Variants in ABCC10 observed in about 807,000 individuals in gnomAD.
ABCC10 encodes the protein ATP binding cassette subfamily C member 10, also known as ATP-binding cassette sub-family C member 10.
In ABCC10, 110 loss-of-function variants were observed where a neutral mutation model predicts 143.2. That is an observed-to-expected ratio of 0.77 (90% CI 0.66 to 0.90). ABCC10 has a LOEUF of 0.90. Ranked by LOEUF, ABCC10 falls within the 40% of genes least tolerant of loss-of-function variation. The pLI is 0.00. For missense variants in ABCC10, 1,700 were observed against 1,900.5 expected (o/e 0.89, Z 1.96); for synonymous variants, 805 against 846.7 (o/e 0.95, Z 0.85).
chr6:43,441,929 C>A lies in ABCC10; in HGVS notation c.2195C>A (p.Ala732Asp). The change falls in exon 9 of 22, where the codon GCC becomes GAC. Residue 732 changes from alanine (A) to aspartate (D), a missense_variant. Physicochemically the swap from Ala to Asp is moderately radical, Grantham distance 126. Transcript: ENST00000372530. ...GTCACCCTTAGCGGAGGACAGCGTG[C>A]CCGGATTGCCCTTGCTCGTGCTGTC... The part of the protein sequence containing the change: ...KGVTLSGGQR[A>D]RIALARAVYQ... 1 of 1,613,866 alleles carries A rather than the reference C, an allele frequency of 6.2e-7. No individual in the cohort carries two copies. The highest frequency in any genetic ancestry group is 1.1e-5 in the South Asian group (1 of 91,068).
At chr6:43,450,882 A>T, downstream of ABCC10, 2 of 1,614,158 alleles carry the variant, frequency 1.2e-6, no homozygotes, top group Non-Finnish European at 1.7e-6. The surrounding 1 kb of genome is among the most constrained non-coding windows in gnomAD (Gnocchi z 4.5). Context: ...AGGTACCACT[A>T]CAGCTGAGGT....
intron 4 of ABCC10, 106 bp downstream of exon 4, chr6:43,434,954 C>T: frequency 8.4e-7 from 1 of 1,195,420 alleles, no homozygotes; most frequent in Non-Finnish European, 1.2e-6. Flanking sequence ...GGATCCCTGA[C>T]TGCCTCATCT....
intron 2 of ABCC10, among the ~76,000 whole-genome samples, chr6:43,429,372 TTGTGTG>T (rs1201780354): frequency 2.5e-4 from 25 of 98,240 alleles, no homozygotes; most frequent in African/African-American, 3.1e-4. Flanking sequence ...CTTTTCTTTC[TTGTGTG>T]TGTGTGTGTG....
At chr6:43,451,053 A>C (rs768003360), downstream of ABCC10, 1 of 1,614,222 alleles carries the variant, frequency 6.2e-7, no homozygotes, top group Non-Finnish European at 8.5e-7. The surrounding 1 kb of genome is among the most constrained non-coding windows in gnomAD (Gnocchi z 4.4). Flanking sequence ...ACAGTCATCC[A>C]GGTTGATGGT....
chr6:43,451,385 G>A (rs567869490), downstream of ABCC10: 27 of 1,350,566 alleles, frequency 2.0e-5, no homozygotes, highest in Middle Eastern at 1.9e-4. The surrounding 1 kb of genome is among the most constrained non-coding windows in gnomAD (Gnocchi z 4.4). Flanking sequence ...TACACACTCC[G>A]AGCCTCAAAT....
rs1033595386 is a variant in ABCC10, at chr6:43,443,590, G to A, written c.2417-343G>A. On this transcript the variant is annotated intron_variant, in intron 10 of 21. Transcript: ENST00000372530. The surrounding 1 kb of genome is among the most constrained non-coding windows in gnomAD (Gnocchi z 4.2). ...TCCAGCCAGATATTAGGAATTGAGC[G>A]AAGCATGAGAAAAAGCTCTGCAGTA... The A allele has an allele frequency of 5.5e-5, 16 of 289,300 alleles. No homozygotes were observed. The highest frequency in any genetic ancestry group is 4.1e-4 in the Admixed American group (9 of 21,804). The allele number at this position is 289,300 out of a possible 1,614,324, so 17.9% of individuals were successfully genotyped here.
At chr6:43,448,153 C>CTGGAA in intron 18 of ABCC10, 6 of 747,184 alleles carry the variant, frequency 8.0e-6, no homozygotes, top group Non-Finnish European at 1.4e-5. Flanking sequence ...CGCCCTGACC[C>CTGGAA]AGGCCACCTT....
intron 4 of ABCC10, 90 bp from the exon 5 acceptor site, chr6:43,435,661 C>T: frequency 2.1e-6 from 3 of 1,453,184 alleles, no homozygotes; most frequent in Non-Finnish European, 2.8e-6. Context: ...TTGCCCAGTT[C>T]TTCCCTCCGT....
chr6:43,450,693 C>G (rs371794983), downstream of ABCC10: 1 of 1,613,858 alleles, frequency 6.2e-7, no homozygotes, highest in Non-Finnish European at 8.5e-7. This position sits in a 1 kb window ranked among gnomAD's most constrained non-coding sequence, Gnocchi z 4.5. Flanking sequence ...GACACCCCGG[C>G]GCCAGGCCCT....
chr6:43,450,230 G>A lies in ABCC10; in HGVS notation c.*139G>A. The A allele has an allele frequency of 8.9e-7, 1 of 1,118,026 alleles. No individual in the cohort carries two copies. Among genetic ancestry groups the A allele is most frequent in the Non-Finnish European group, 1.3e-6 (1 of 797,552 alleles). The allele number at this position is 1,118,026 out of a possible 1,614,324, so 69.3% of individuals were successfully genotyped here. A position where few individuals can be genotyped will look rare whatever the true frequency, so the allele number is the denominator to read the frequency against. On this transcript the variant is annotated 3_prime_UTR_variant, in exon 22 of 22. Transcript: ENST00000372530. The surrounding 1 kb of genome is among the most constrained non-coding windows in gnomAD (Gnocchi z 4.5). Reference sequence around the variant, plus strand: ...CCCCAGAAGGGAAAAGGGCACCCTGGATTACTCTTTGGAAATCACTCCTTG... The same window carrying A: ...CCCCAGAAGGGAAAAGGGCACCCTGAATTACTCTTTGGAAATCACTCCTTG...
intron 9 of ABCC10, 111 bp downstream of exon 9, chr6:43,442,071 C>A: frequency 1.1e-6 from 1 of 878,740 alleles, no homozygotes; most frequent in Non-Finnish European, 1.8e-6. Context: ...CTGGTTCCTT[C>A]CCTCCTCCCT....
At chr6:43,435,584 T>C (rs1343263422) in intron 4 of ABCC10, among the ~76,000 whole-genome samples, 167 bp from the exon 5 acceptor site, 1 of 152,062 alleles carries the variant, frequency 6.6e-6, no homozygotes, top group African/African-American at 2.4e-5. Flanking sequence ...ATTTCTAGGA[T>C]TCTTTAAGTG....
Position 43,435,740 on chromosome 6 carries a change from A to G in ABCC10, c.1609-11A>G, listed in dbSNP as rs1250020681. The G allele has an allele frequency of 1.9e-6, 3 of 1,613,656 alleles. No individual in the cohort carries two copies. The highest frequency in any genetic ancestry group is 2.5e-6 in the Non-Finnish European group (3 of 1,179,810). On this transcript the variant is annotated splice_polypyrimidine_tract_variant and intron_variant, in intron 4 of 21. Transcript: ENST00000372530. ...ACTCCTGGGGCTTCACCCTGCACCC[A>G]CCTCACTCAGGTGTTCACGGCCCTG...
chr6:43,434,921 A>G, intron 4 of ABCC10, 73 bp downstream of exon 4: 1 of 1,491,678 alleles, frequency 6.7e-7, no homozygotes, highest in South Asian at 1.2e-5. Flanking sequence ...TTGGGCCCTC[A>G]GTGCTGGCTG....
At position 43,443,596 on chromosome 6, in the gene ABCC10, T is replaced by C. The variant is rs1403906263; in HGVS notation, c.2417-337T>C. 6.8e-6 allele frequency: 2 copies of C among 294,714 alleles called. No individual in the cohort carries two copies. The highest frequency in any genetic ancestry group is 6.2e-5 in the East Asian group (1 of 16,036). The allele number at this position is 294,714 out of a possible 1,614,324, so 18.3% of individuals were successfully genotyped here. Reference sequence around the variant, plus strand: ...CAGATATTAGGAATTGAGCGAAGCATGAGAAAAAGCTCTGCAGTAATGAGA... The same window carrying C: ...CAGATATTAGGAATTGAGCGAAGCACGAGAAAAAGCTCTGCAGTAATGAGA... On this transcript the variant is annotated intron_variant, in intron 10 of 21. Transcript: ENST00000372530. The surrounding 1 kb of genome is among the most constrained non-coding windows in gnomAD (Gnocchi z 4.2).
At position 43,443,791 on chromosome 6, in the gene ABCC10, G is replaced by A; in HGVS notation, c.2417-142G>A. On this transcript the variant is annotated intron_variant, in intron 10 of 21. Coordinates refer to ENST00000372530, the MANE Select transcript of ABCC10 (RefSeq NM_001198934.2). The surrounding 1 kb of genome is among the most constrained non-coding windows in gnomAD (Gnocchi z 4.2). ...TTAGAGAGGGAGGCCTAAGAGTCCT[G>A]CTCGAGGTCTAGGGGTATCCTGCTA... The A allele has an allele frequency of 1.2e-6, 1 of 826,202 alleles. No homozygotes were observed. Among genetic ancestry groups the A allele is most frequent in the Non-Finnish European group, 2.0e-6 (1 of 493,634 alleles). The allele number at this position is 826,202 out of a possible 1,614,324, so 51.2% of individuals were successfully genotyped here. A position where few individuals can be genotyped will look rare whatever the true frequency, so the allele number is the denominator to read the frequency against.
chr6:43,447,551 CCTT>C (rs1783238889), intron 17 of ABCC10, 130 bp from the exon 18 acceptor site: 3 of 1,553,300 alleles, frequency 1.9e-6, no homozygotes, highest in Middle Eastern at 2.2e-4. Context: ...TCACCATGTC[CCTT>C]CTTCCCCATC....
intron 20 of ABCC10, 74 bp downstream of exon 20, chr6:43,449,278 G>A (rs1783490459): frequency 1.2e-5 from 19 of 1,563,914 alleles, no homozygotes; most frequent in Non-Finnish European, 1.7e-5. Flanking sequence ...AGGTAGAGTG[G>A]GGAGAGGTTT....
intron 8 of ABCC10, among the ~76,000 whole-genome samples, chr6:43,439,667 T>C (rs1226488715): frequency 6.6e-6 from 1 of 152,168 alleles, no homozygotes; most frequent in Non-Finnish European, 1.5e-5. Context: ...CACTGCAACC[T>C]CCGCCTCCTG....
Sources: allele counts gnomAD v4.1 joint callset (sites outside exome capture counted in the v4.1 genomes callset), GRCh38; gene constraint gnomAD v4.1.1; non-coding constraint Gnocchi (gnomAD v3.1); transcripts MANE v1.5; gene names NCBI Gene and HGNC (gene_info 2026-07-23, HGNC 2026-07-21).